HDX: variants seen among roughly 807,000 people sequenced by gnomAD.
The protein encoded by HDX is chromosome X open reading frame 43.
In HDX, 19 loss-of-function variants were observed where a neutral mutation model predicts 45.2. That is an observed-to-expected ratio of 0.42 (90% CI 0.29 to 0.62). The LOEUF is 0.62. HDX is among the 20% of genes least tolerant of loss of function. HDX has a pLI of 0.20. For missense variants in HDX, 532 were observed against 493.9 expected (o/e 1.08, Z -0.73); for synonymous variants, 188 against 172.8 (o/e 1.09, Z -0.69).
chrX:84,436,351 C>A (rs750344823), intron 5 of HDX, among the ~76,000 whole-genome samples: 2 of 105,990 alleles, frequency 1.9e-5, no homozygotes, highest in African/African-American at 6.8e-5. Context: ...ATGGGTGCAG[C>A]GCACCAGCAT....
At chrX:84,384,812 G>A (rs768552862) in intron 5 of HDX, among the ~76,000 whole-genome samples, 9 of 110,420 alleles carry the variant, frequency 8.2e-5, no homozygotes, top group Non-Finnish European at 1.7e-4. Context: ...GTTTTTCTTG[G>A]TCTTGTTAAA....
intron 6 of HDX, among the ~76,000 whole-genome samples, chrX:84,351,382 T>G (rs1421864383): frequency 9.0e-6 from 1 of 110,948 alleles, no homozygotes; most frequent in African/African-American, 3.3e-5. Flanking sequence ...TTGTTTTGTT[T>G]TGCTTTGCGG....
At chrX:84,376,626 G>A (rs1186703956) in intron 5 of HDX, among the ~76,000 whole-genome samples, 1 of 112,240 alleles carries the variant, frequency 8.9e-6, no homozygotes, top group Non-Finnish European at 1.9e-5. Context: ...GTGGTGTTGG[G>A]GGCTACAGGA....
intron 5 of HDX, among the ~76,000 whole-genome samples, chrX:84,415,832 CTT>C (rs745473753): frequency 7.1e-5 from 8 of 111,891 alleles, no homozygotes; most frequent in Admixed American, 9.5e-5. Context: ...TTTAGCATAA[CTT>C]AATGTGCGGA....
chrX:84,493,581 G>A (rs1460252193), intron 1 of HDX, among the ~76,000 whole-genome samples: 1 of 111,728 alleles, frequency 9.0e-6, no homozygotes, highest in African/African-American at 3.2e-5. Context: ...CATCCCTAAT[G>A]ACTAAATTCT....
chrX:84,391,134 T>G (rs2038431088), intron 5 of HDX, among the ~76,000 whole-genome samples: 1 of 111,961 alleles, frequency 8.9e-6, no homozygotes, highest in Non-Finnish European at 1.9e-5. Flanking sequence ...ATTCCCAGCC[T>G]CTGGCATCTG....
At chrX:84,405,527 C>G (rs2038796866) in intron 5 of HDX, among the ~76,000 whole-genome samples, 1 of 106,661 alleles carries the variant, frequency 9.4e-6, no homozygotes, top group African/African-American at 3.4e-5. Context: ...GCAAATGATA[C>G]TGTCATATCA....
At chrX:84,490,220 A>C (rs1408347794) in intron 1 of HDX, among the ~76,000 whole-genome samples, 1 of 108,967 alleles carries the variant, frequency 9.2e-6, no homozygotes, top group African/African-American at 3.3e-5. Flanking sequence ...GCATTTGTTC[A>C]TTGCTTTTCT....
chrX:84,363,967 G>A (rs898590020), intron 5 of HDX, among the ~76,000 whole-genome samples: 2 of 111,362 alleles, frequency 1.8e-5, no homozygotes, highest in Non-Finnish European at 3.8e-5. Flanking sequence ...CTTTAGCCAG[G>A]TAACCAGATA....
chrX:84,427,632 A>G (rs1032953741), intron 5 of HDX, among the ~76,000 whole-genome samples: 2 of 111,305 alleles, frequency 1.8e-5, no homozygotes, highest in Non-Finnish European at 3.8e-5. Context: ...GGGCATATCA[A>G]CAGTTCATTT....
At chrX:84,460,316 A>C (rs2040212071) in intron 4 of HDX, among the ~76,000 whole-genome samples, 1 of 112,070 alleles carries the variant, frequency 8.9e-6, no homozygotes, top group Non-Finnish European at 1.9e-5. Flanking sequence ...AATCGATCAT[A>C]AGAACAGATT....
intron 1 of HDX, among the ~76,000 whole-genome samples, chrX:84,498,361 G>T (rs5968340): frequency 0.046 from 5,150 of 111,443 alleles, 303 homozygotes; most frequent in African/African-American, 0.16. Flanking sequence ...AGAATGGAAA[G>T]GTATTAGGAT....
At chrX:84,398,104 A>G (rs1201190815) in intron 5 of HDX, among the ~76,000 whole-genome samples, 1 of 110,213 alleles carries the variant, frequency 9.1e-6, no homozygotes, top group Non-Finnish European at 1.9e-5. Context: ...GTGTATGTAT[A>G]TATATATACA....
At chrX:84,399,650 T>C (rs1794700549) in intron 5 of HDX, among the ~76,000 whole-genome samples, 2 of 111,758 alleles carry the variant, frequency 1.8e-5, no homozygotes, top group Admixed American at 1.9e-4. Flanking sequence ...AAGGAGCTGA[T>C]ACCATTCTTT....
chrX:84,334,179 C>T (rs773980059), intron 8 of HDX, among the ~76,000 whole-genome samples: 1 of 111,533 alleles, frequency 9.0e-6, no homozygotes, highest in East Asian at 2.8e-4. Context: ...TATTTTAATG[C>T]GAGTAAACAT....
At chrX:84,435,120 T>TCA (rs1195194066) in intron 5 of HDX, among the ~76,000 whole-genome samples, 2 of 111,462 alleles carry the variant, frequency 1.8e-5, no homozygotes, top group Admixed American at 1.9e-4. Context: ...ACTTTTTGTT[T>TCA]CATTGATATT....
At chrX:84,500,145 C>T (rs142941252) in intron 1 of HDX, 48 of 110,477 alleles carry the variant, frequency 4.3e-4, no homozygotes, top group African/African-American at 1.5e-3. Flanking sequence ...ATTTGAAGGC[C>T]ACCCAGTAAA....
At chrX:84,336,687 TG>T in intron 8 of HDX, 113 bp downstream of exon 8, 1 of 515,571 alleles carries the variant, frequency 1.9e-6, no homozygotes, top group Admixed American at 4.2e-5. Context: ...AGGTCTGTTT[TG>T]GTTTGTGAAG....
rs764100111 is a variant in HDX, at chrX:84,380,998, C to T, written c.1306-19386G>A. 3.6e-5 allele frequency among the ~76,000 whole-genome samples: 4 copies of T among 110,651 alleles called. No homozygotes were observed. The East Asian group carries it at 8.5e-4, about 23-fold the overall frequency. ...AGACTACACACAAAACATTTAGAAC[C>T]GATAAATTCAGTGAAGTTACAAGAT... On this transcript the variant is annotated intron_variant, in intron 5 of 10. Transcript: ENST00000373177.
Sources: allele counts gnomAD v4.1 joint callset (sites outside exome capture counted in the v4.1 genomes callset), GRCh38; gene constraint gnomAD v4.1.1; transcripts MANE v1.5; gene names NCBI Gene and HGNC (gene_info 2026-07-23, HGNC 2026-07-21).